UTP25: variants seen among roughly 807,000 people sequenced by gnomAD.
UTP25 encodes UTP25 small subunit processome component, also known as U3 small nucleolar RNA-associated protein 25 homolog.
UTP25 carries 50 observed loss-of-function variants against 78.9 expected under a neutral mutation model. The observed-to-expected ratio is 0.63, with a 90% CI of 0.50 to 0.80. The LOEUF (loss-of-function observed/expected upper bound fraction) is 0.80. Among genes scored for constraint, UTP25 ranks in the 30% least tolerant of loss-of-function variants. The pLI, the probability that UTP25 is intolerant of heterozygous loss-of-function variation, is 0.00. For missense variants in UTP25, 846 were observed against 911.3 expected (o/e 0.93, Z 0.92); for synonymous variants, 329 against 336.5 (o/e 0.98, Z 0.24).
intron 9 of UTP25, 51 bp downstream of exon 9, chr1:209,842,498 T>C (rs1558055177): frequency 6.2e-7 from 1 of 1,612,788 alleles, no homozygotes; most frequent in Non-Finnish European, 8.5e-7. Flanking sequence ...TGTTTATTGT[T>C]TGGGTCCTGA....
chr1:209,856,746 A>T lies in UTP25; in HGVS notation c.*5299A>T, dbSNP rs1361144006. The T allele has an allele frequency of 6.6e-6, 1 of 152,212 alleles. No homozygotes were observed. Among genetic ancestry groups the T allele is most frequent in the Admixed American group, 6.5e-5 (1 of 15,278 alleles). 9.4% of individuals were successfully genotyped at this position (152,212 alleles called of 1,614,324 possible). A position where few individuals can be genotyped will look rare whatever the true frequency, so the allele number is the denominator to read the frequency against. ...GTTCTTGGCAAGCACCAACATTGAG[A>T]CTGTACTTCAGGGTTGATGCTGGCC... On this transcript the variant is annotated 3_prime_UTR_variant, in exon 12 of 12. Coordinates refer to ENST00000491415, the MANE Select transcript of UTP25 (RefSeq NM_014388.7).
At chr1:209,836,704 C>G in intron 5 of UTP25, 97 bp from the exon 6 acceptor site, 2 of 1,307,322 alleles carry the variant, frequency 1.5e-6, no homozygotes, top group Non-Finnish European at 2.1e-6. Flanking sequence ...ATGAGATGAT[C>G]TATAAATCAT....
rs982464794 is a variant in UTP25, at chr1:209,854,320, T to C, written c.*2873T>C. The C allele has an allele frequency of 2.0e-5, 3 of 147,488 alleles. No homozygotes were observed. The highest frequency in any genetic ancestry group is 7.5e-5 in the African/African-American group (3 of 40,192). 9.1% of individuals were successfully genotyped at this position (147,488 alleles called of 1,614,324 possible). On this transcript the variant is annotated 3_prime_UTR_variant, in exon 12 of 12. Coordinates refer to ENST00000491415, the MANE Select transcript of UTP25 (RefSeq NM_014388.7). ...TAAAACAACCAGCTTAGCACTTTTC[T>C]TTTTGAGAGAGAAAAAGCTTTGAAT...
At chr1:209,843,788 G>A in intron 11 of UTP25, 92 bp downstream of exon 11, 5 of 1,486,514 alleles carry the variant, frequency 3.4e-6, no homozygotes, top group Non-Finnish European at 4.5e-6. Flanking sequence ...GCTTCGTGGT[G>A]TTGAGATCAT....
rs2078250379 is a variant in UTP25, at chr1:209,853,119, A to T, written c.*1672A>T. On this transcript the variant is annotated 3_prime_UTR_variant, in exon 12 of 12. Transcript: ENST00000491415. Reference sequence around the variant, plus strand: ...ACATTTTTACTTCTTTTTCTTCAGCATGGTAAGTAAAACCATTTATTCCAT... The same window carrying T: ...ACATTTTTACTTCTTTTTCTTCAGCTTGGTAAGTAAAACCATTTATTCCAT... 1 of 152,210 alleles carries T rather than the reference A, an allele frequency of 6.6e-6. No homozygotes were observed. The highest frequency in any genetic ancestry group is 1.5e-5 in the Non-Finnish European group (1 of 68,044). 9.4% of individuals were successfully genotyped at this position (152,210 alleles called of 1,614,324 possible).
chr1:209,843,170 C>G (rs1189150539), intron 10 of UTP25: 5 of 461,296 alleles, frequency 1.1e-5, no homozygotes, highest in South Asian at 2.6e-5. Flanking sequence ...GAGTGACTGA[C>G]TGACTGACTG....
chr1:209,835,119 A>G lies in UTP25; in HGVS notation c.607A>G (p.Ile203Val). 6.2e-7 allele frequency: 1 copy of G among 1,613,882 alleles called. No homozygotes were observed. The highest frequency in any genetic ancestry group is 8.5e-7 in the Non-Finnish European group (1 of 1,179,798). The change falls in exon 5 of 12, where the codon ATT becomes GTT. Residue 203 changes from isoleucine to valine, a missense_variant. Coordinates refer to ENST00000491415, the MANE Select transcript of UTP25 (RefSeq NM_014388.7). ...GAACAAAGAACTGAAAGAAAAAGCA[A>G]TTCAGGCTGTTGCCACAAATCCCAA... ...HVNKELKEKA[I>V]QAVATNPKTT...
intron 5 of UTP25, 25 bp from the exon 6 acceptor site, chr1:209,836,775 TG>T: frequency 6.4e-7 from 1 of 1,555,520 alleles, no homozygotes; most frequent in Non-Finnish European, 8.7e-7. Flanking sequence ...ATTTCTAATT[TG>T]GCTCTTGATC....
At chr1:209,838,880 C>A in intron 6 of UTP25, 29 bp from the exon 7 acceptor site, 1 of 1,610,464 alleles carries the variant, frequency 6.2e-7, no homozygotes, top group East Asian at 2.2e-5. Context: ...CCTCTTACCC[C>A]ACTAAGGCTG....
intron 11 of UTP25, 114 bp downstream of exon 11, chr1:209,843,810 G>A (rs887165794): frequency 5.8e-6 from 8 of 1,380,386 alleles, no homozygotes; most frequent in East Asian, 2.3e-5. Context: ...CCTCACTCTC[G>A]CACTCTTACA....
At position 209,843,702 on chromosome 1, in the gene UTP25, G is replaced by A. The variant is rs370449615; in HGVS notation, c.2027+6G>A. The A allele has an allele frequency of 6.2e-7, 1 of 1,610,720 alleles. No homozygotes were observed. Among genetic ancestry groups the A allele is most frequent in the Non-Finnish European group, 8.5e-7 (1 of 1,177,746 alleles). ...CGCTTCCATTTCTACAAAAGGTAAA[G>A]TGGTGCCAGGTTTCAAGCCTCCTCT... On this transcript the variant is annotated splice_donor_region_variant and intron_variant, in intron 11 of 11. Transcript: ENST00000491415.
chr1:209,835,954 C>T (rs547714894), intron 5 of UTP25, among the ~76,000 whole-genome samples: 88 of 152,286 alleles, frequency 5.8e-4, no homozygotes, highest in Non-Finnish European at 1.0e-3. Context: ...GTTCCTGTAT[C>T]TACTCCTGCC....
chr1:209,845,942 T>G (rs1162978827), intron 11 of UTP25, among the ~76,000 whole-genome samples: 1 of 150,370 alleles, frequency 6.7e-6, no homozygotes, highest in Non-Finnish European at 1.5e-5. Context: ...CTGCAGCGTC[T>G]GCCTCTTGGG....
rs2078179858 is a variant in UTP25 at position 209,843,581 on chromosome 1, T to A, written c.1912T>A (p.Phe638Ile). Residue 638 changes from phenylalanine (F) to isoleucine (I), a missense_variant, in exon 11 of 12, where the codon TTT becomes ATT. Coordinates refer to ENST00000491415, the MANE Select transcript of UTP25 (RefSeq NM_014388.7). ...TTACTTCAAGAAGGAGGAATTGAAT[T>A]TTACCCACATCTGCGAGTACACGCA... ...RNYFKKEELNFTHICEYTQKS... is the reference protein window; with the variant it reads ...RNYFKKEELNITHICEYTQKS... The A allele has an allele frequency of 6.2e-7, 1 of 1,614,172 alleles. No homozygotes were observed. Among genetic ancestry groups the A allele is most frequent in the Admixed American group, 1.7e-5 (1 of 60,026 alleles).
chr1:209,843,622 C>T lies in UTP25; in HGVS notation c.1953C>T (p.Ser651=). 1 of 1,614,120 alleles carries T rather than the reference C, an allele frequency of 6.2e-7. No individual in the cohort carries two copies. The highest frequency in any genetic ancestry group is 8.5e-7 in the Non-Finnish European group (1 of 1,179,988). Residue 651 remains serine (S), a synonymous_variant, in exon 11 of 12, where the codon TCC becomes TCT. Transcript: ENST00000491415. The part of the protein sequence containing the change: ...ICEYTQKSGV[S]RARHFFLQGE... ...AGTACACGCAGAAGTCTGGTGTCTC[C>T]AGGGCCAGACACTTCTTCCTTCAAG...
At chr1:209,833,407 A>C (rs749149566) in intron 4 of UTP25, 49 bp downstream of exon 4, 4 of 1,463,672 alleles carry the variant, frequency 2.7e-6, no homozygotes, top group Admixed American at 2.5e-5. Flanking sequence ...CTTAGTATGG[A>C]ATTTGTGTAC....
Position 209,835,497 on chromosome 1 carries a change from A to G in UTP25, c.651+334A>G, listed in dbSNP as rs182781725. On this transcript the variant is annotated intron_variant, in intron 5 of 11. Coordinates refer to ENST00000491415, the MANE Select transcript of UTP25 (RefSeq NM_014388.7). ...TATTCTAGTCTGCTAGAGGGGGATAATAATACCTATCTCAAAATAGAATAG... is the reference window on the plus strand; with the variant it reads ...TATTCTAGTCTGCTAGAGGGGGATAGTAATACCTATCTCAAAATAGAATAG... Among the ~76,000 whole-genome samples, 2 of 152,352 alleles carry G rather than the reference A, an allele frequency of 1.3e-5. 1 individual carries two copies. Among genetic ancestry groups the G allele is most frequent in the Admixed American group, 1.3e-4 (2 of 15,300 alleles).
At chr1:209,840,719 T>G in intron 7 of UTP25, 134 bp from the exon 8 acceptor site, 1 of 799,710 alleles carries the variant, frequency 1.3e-6, no homozygotes, top group Admixed American at 2.1e-5. Context: ...ATTAAAGCAG[T>G]TGAGCACAGT....
intron 1 of UTP25, 81 bp from the exon 2 acceptor site, chr1:209,830,027 T>C: frequency 7.8e-7 from 1 of 1,280,036 alleles, no homozygotes; most frequent in Non-Finnish European, 1.1e-6. Flanking sequence ...ATTCTGCCTT[T>C]TTCATTTAAC....
Sources: allele counts gnomAD v4.1 joint callset (sites outside exome capture counted in the v4.1 genomes callset), GRCh38; gene constraint gnomAD v4.1.1; transcripts MANE v1.5; gene names NCBI Gene and HGNC (gene_info 2026-07-23, HGNC 2026-07-21).